MKNK2: variants seen among roughly 807,000 people sequenced by gnomAD.
MKNK2 encodes MAPK interacting serine/threonine kinase 2.
MKNK2 carries 54 observed loss-of-function variants against 55.0 expected under a neutral mutation model. The ratio of observed to expected loss-of-function variants is 0.98; its 90% confidence interval spans 0.79 to 1.23. The LOEUF (loss-of-function observed/expected upper bound fraction) is 1.23. MKNK2 is among the 50% of genes most tolerant of loss of function. The pLI is 0.00. For missense variants in MKNK2, 685 were observed against 632.1 expected (o/e 1.08, Z -0.90); for synonymous variants, 323 against 256.0 (o/e 1.26, Z -2.50).
Position 2,042,043 on chromosome 19 carries a change from G to T in MKNK2, c.751-9C>A. On this transcript the variant is annotated splice_polypyrimidine_tract_variant and intron_variant, in intron 10 of 13. Coordinates refer to ENST00000250896, the MANE Select transcript of MKNK2 (RefSeq NM_199054.3). ...TACTCCGCCGAGCCGCACTGCGGGC[G>T]GGGGAGGGGCGCGTCAGCCGGGGTT... The T allele has an allele frequency of 6.8e-7, 1 of 1,473,568 alleles. No individual in the cohort carries two copies. Among genetic ancestry groups the T allele is most frequent in the African/African-American group, 1.5e-5 (1 of 68,116 alleles). The allele number at this position is 1,473,568 out of a possible 1,614,324, so 91.3% of individuals were successfully genotyped here. A position where few individuals can be genotyped will look rare whatever the true frequency, so the allele number is the denominator to read the frequency against.
At chr19:2,048,504 G>A (rs981361388) in intron 2 of MKNK2, among the ~76,000 whole-genome samples, 14 of 152,134 alleles carry the variant, frequency 9.2e-5, no homozygotes, top group Non-Finnish European at 2.1e-4. Context: ...CCAGGCGGGA[G>A]GGGCCCACAG....
At chr19:2,040,220 G>T in intron 12 of MKNK2, 43 bp from the exon 13 acceptor site, 1 of 1,496,806 alleles carries the variant, frequency 6.7e-7, no homozygotes, top group East Asian at 2.4e-5. Context: ...GAGCAGCTGG[G>T]GCCGCCTGGG....
intron 5 of MKNK2, 143 bp downstream of exon 5, chr19:2,046,043 C>T (rs961253798): frequency 1.2e-5 from 9 of 776,900 alleles, no homozygotes; most frequent in Admixed American, 6.5e-5. Flanking sequence ...TCATTCCCGA[C>T]TGGACTCAGG....
At position 2,038,559 on chromosome 19, in the gene MKNK2, G is replaced by C; in HGVS notation, c.*1054C>G. 1 of 985,582 alleles carries C rather than the reference G, an allele frequency of 1.0e-6. No homozygotes were observed. The highest frequency in any genetic ancestry group is 1.2e-6 in the Non-Finnish European group (1 of 830,008). The allele number at this position is 985,582 out of a possible 1,614,324, so 61.1% of individuals were successfully genotyped here. On this transcript the variant is annotated 3_prime_UTR_variant, in exon 14 of 14. Coordinates refer to ENST00000250896, the MANE Select transcript of MKNK2 (RefSeq NM_199054.3). ...CGCAGCCGTTTTCCTGAAGGTGGCA[G>C]ACCAAAAACACTGCCCTGGGGGTGA...
intron 2 of MKNK2, 146 bp downstream of exon 2, chr19:2,050,655 C>A: frequency 1.5e-6 from 1 of 689,536 alleles, no homozygotes. Context: ...CGCTTCAGCG[C>A]ACGGCCGGCC....
Position 2,039,273 on chromosome 19 carries a change from G to T in MKNK2, c.*340C>A. 8.6e-7 allele frequency: 1 copy of T among 1,157,230 alleles called. No homozygotes were observed. The highest frequency in any genetic ancestry group is 1.1e-6 in the Non-Finnish European group (1 of 935,340). The allele number at this position is 1,157,230 out of a possible 1,614,324, so 71.7% of individuals were successfully genotyped here. ...ACTGCAAGCCACGTGGGCAGATGGCGGGCAGCACAGGTGACCTGGGGGCAC... is the reference window on the plus strand; with the variant it reads ...ACTGCAAGCCACGTGGGCAGATGGCTGGCAGCACAGGTGACCTGGGGGCAC... On this transcript the variant is annotated 3_prime_UTR_variant, in exon 14 of 14. Transcript: ENST00000250896.
At chr19:2,043,803 G>A (rs2016943776) in intron 5 of MKNK2, among the ~76,000 whole-genome samples, 1 of 151,978 alleles carries the variant, frequency 6.6e-6, no homozygotes, top group Non-Finnish European at 1.5e-5. Flanking sequence ...GCAAAACCCT[G>A]TCTCTACTGA....
rs766908472 is a variant in MKNK2, at chr19:2,046,198, C to T, written c.327G>A (p.Glu109=). 8 of 1,608,684 alleles carry T rather than the reference C, an allele frequency of 5.0e-6. No individual in the cohort carries two copies. The highest frequency in any genetic ancestry group is 6.8e-6 in the Non-Finnish European group (8 of 1,179,910). The change falls in exon 5 of 14, where the codon GAG becomes GAA. Residue 109 remains glutamate (E), a synonymous_variant. Transcript: ENST00000250896. Reference sequence around the variant, plus strand: ...GGCGCGGGCCCACCTTGACGGCGTACTCCTGGCTGGTGATCAGGTTGATGC... The same window carrying T: ...GGCGCGGGCCCACCTTGACGGCGTATTCCTGGCTGGTGATCAGGTTGATGC... ...QTCINLITSQ[E]YAVKIIEKQP...
intron 12 of MKNK2, 65 bp from the exon 13 acceptor site, chr19:2,040,242 G>T: frequency 7.2e-7 from 1 of 1,383,606 alleles, no homozygotes; most frequent in Non-Finnish European, 9.8e-7. Context: ...CGCTGGGTGG[G>T]GTGTCTGGCC....
chr19:2,037,775 A>G lies in MKNK2; in HGVS notation c.*1838T>C, dbSNP rs779102927. On this transcript the variant is annotated 3_prime_UTR_variant, in exon 14 of 14. Transcript: ENST00000250896. The stretch of plus-strand genomic sequence containing the variant: ...CAGTAACGGTTCTGACCAGTCCTCC[A>G]GGTCGCACGTGGATGCGACAGGGGT... 3 of 1,606,302 alleles carry G rather than the reference A, an allele frequency of 1.9e-6. No individual in the cohort carries two copies. Among genetic ancestry groups the G allele is most frequent in the Non-Finnish European group, 2.6e-6 (3 of 1,175,870 alleles).
chr19:2,037,581 G>C lies in MKNK2; in HGVS notation c.*2032C>G. ...GCTCCGTCAGTTCACCTGGTACATT[G>C]GAATTAAAGTGCTTGGATGTTTTTC... On this transcript the variant is annotated 3_prime_UTR_variant, in exon 14 of 14. Transcript: ENST00000250896. The C allele has an allele frequency of 2.0e-6, 1 of 497,910 alleles. No homozygotes were observed. The highest frequency in any genetic ancestry group is 3.4e-6 in the Non-Finnish European group (1 of 297,358). The allele number at this position is 497,910 out of a possible 1,614,324, so 30.8% of individuals were successfully genotyped here. A position where few individuals can be genotyped will look rare whatever the true frequency, so the allele number is the denominator to read the frequency against.
intron 13 of MKNK2, 93 bp from the exon 14 acceptor site, chr19:2,039,949 C>A: frequency 2.1e-6 from 3 of 1,457,420 alleles, no homozygotes; most frequent in South Asian, 1.2e-5. Context: ...GGGCTTCATG[C>A]CCCCCTCCCA....
Position 2,041,184 on chromosome 19 carries a change from G to A in MKNK2, c.966C>T (p.Ile322=). ...CGGGGAACTCGTACTTGCCCTCCTG[G>A]ATGCTCTCAAACAGCATGTTCTGGG... ...PACQNMLFES[I]QEGKYEFPDK... is the part of the protein sequence containing the mutation. The change falls in exon 12 of 14, where the codon ATC becomes ATT. Residue 322 remains isoleucine, a synonymous_variant. Transcript: ENST00000250896. 1 of 1,613,660 alleles carries A rather than the reference G, an allele frequency of 6.2e-7. No individual in the cohort carries two copies. Among genetic ancestry groups the A allele is most frequent in the Non-Finnish European group, 8.5e-7 (1 of 1,179,740 alleles).
chr19:2,040,566 G>A (rs1292950911), intron 12 of MKNK2: 3 of 291,146 alleles, frequency 1.0e-5, no homozygotes, highest in Non-Finnish European at 1.9e-5. Context: ...TGGGGACACA[G>A]AGTGACCCCA....
chr19:2,043,295 C>T (rs2016932599), intron 6 of MKNK2, 98 bp from the exon 7 acceptor site: 2 of 1,123,046 alleles, frequency 1.8e-6, no homozygotes, highest in African/African-American at 3.1e-5. Context: ...TTGGTGCTGG[C>T]CTGTCCACCG....
Position 2,042,858 on chromosome 19 carries a change from C to A in MKNK2, c.506G>T (p.Ser169Ile). 1 of 1,571,028 alleles carries A rather than the reference C, an allele frequency of 6.4e-7. No homozygotes were observed. The change falls in exon 8 of 14, where the codon AGC (serine) becomes ATC (isoleucine). Residue 169 changes from serine (S) to isoleucine (I), a missense_variant. Physicochemically the swap from Ser to Ile is moderately radical, Grantham distance 142. Coordinates refer to ENST00000250896, the MANE Select transcript of MKNK2 (RefSeq NM_199054.3). Reference protein sequence around the residue: ...FEKMRGGSILSHIHKRRHFNE... With the variant: ...FEKMRGGSILIHIHKRRHFNE... ...GAAGTGCCGGCGCTTGTGGATGTGG[C>A]TCAGGATGGAGCCTGGGCAGGGCAG...
Position 2,042,410 on chromosome 19 carries a change from T to A in MKNK2, c.750+17A>T. ...GAGCAGGCGGCCGAGCCCCCAGCCC[T>A]CCCCGCGGGCCCTCACCGGAGTGAG... On this transcript the variant is annotated intron_variant, in intron 10 of 13. Coordinates refer to ENST00000250896, the MANE Select transcript of MKNK2 (RefSeq NM_199054.3). 8 of 1,558,174 alleles carry A rather than the reference T, an allele frequency of 5.1e-6. No homozygotes were observed. Among genetic ancestry groups the A allele is most frequent in the Non-Finnish European group, 6.9e-6 (8 of 1,151,518 alleles).
At chr19:2,045,038 G>A (rs1166880970) in intron 5 of MKNK2, among the ~76,000 whole-genome samples, 1 of 152,124 alleles carries the variant, frequency 6.6e-6, no homozygotes, top group Non-Finnish European at 1.5e-5. Flanking sequence ...CAGGCCCAGC[G>A]ATTCGCCTCT....
intron 2 of MKNK2, among the ~76,000 whole-genome samples, chr19:2,050,454 A>G (rs2017090066): frequency 6.6e-6 from 1 of 152,132 alleles, no homozygotes; most frequent in South Asian, 2.1e-4. Flanking sequence ...AGCGACTGGG[A>G]CAGGACTGCA....
Sources: gnomAD v4.1 joint callset for allele counts (sites outside exome capture counted in the v4.1 genomes callset) on GRCh38, gnomAD v4.1.1 for gene constraint, MANE v1.5 for transcripts, NCBI Gene and HGNC (gene_info 2026-07-23, HGNC 2026-07-21) for gene names.